Variants in NCBP3 observed in about 807,000 individuals in gnomAD.
The protein encoded by NCBP3 is nuclear cap binding subunit 3.
NCBP3 carries 20 observed loss-of-function variants against 75.7 expected under a neutral mutation model. The observed-to-expected ratio is 0.26, with a 90% CI of 0.19 to 0.38. The LOEUF (loss-of-function observed/expected upper bound fraction) is 0.38. Among genes scored for constraint, NCBP3 ranks in the 10% least tolerant of loss-of-function variants. NCBP3 has a pLI of 1.00. For synonymous variants in NCBP3, 293 were observed against 290.5 expected, an observed-to-expected ratio of 1.01 and a Z score of -0.09; for missense variants, 678 against 796.9, an observed-to-expected ratio of 0.85 and a Z score of 1.80.
Position 3,810,267 on chromosome 17 carries a change from GC to G in NCBP3, c.*2776del, listed in dbSNP as rs1257204614. 2.6e-5 allele frequency: 4 copies of G among 152,408 alleles called. No individual in the cohort carries two copies. Among genetic ancestry groups the G allele is most frequent in the African/African-American group, 9.6e-5 (4 of 41,572 alleles). 9.4% of individuals were successfully genotyped at this position (152,408 alleles called of 1,614,324 possible). On this transcript the variant is annotated 3_prime_UTR_variant, in exon 13 of 13. Coordinates refer to ENST00000389005, the MANE Select transcript of NCBP3 (RefSeq NM_001114118.3). ...TGCTGTACAAATGCAGCTGGAAAGG[GC>G]AGTGGCTGAAGAACGGAGAGGGGTT... is the stretch of plus-strand genomic sequence containing the variant.
rs1406057766 is a variant in NCBP3, at chr17:3,818,701, A to G, written c.1001-129T>C. The G allele has an allele frequency of 2.0e-6, 2 of 989,806 alleles. No individual in the cohort carries two copies. Among genetic ancestry groups the G allele is most frequent in the South Asian group, 1.6e-5 (1 of 61,706 alleles). The allele number at this position is 989,806 out of a possible 1,614,324, so 61.3% of individuals were successfully genotyped here. A position where few individuals can be genotyped will look rare whatever the true frequency, so the allele number is the denominator to read the frequency against. ...CTGACATTTTATTGGAGCACTATCTATAATAGTGCCAAATGGACATTACTC... is the reference window on the plus strand; with the variant it reads ...CTGACATTTTATTGGAGCACTATCTGTAATAGTGCCAAATGGACATTACTC... On this transcript the variant is annotated intron_variant, in intron 9 of 12. Transcript: ENST00000389005. This position sits in a 1 kb window ranked among gnomAD's most constrained non-coding sequence, Gnocchi z 4.7.
chr17:3,830,905 CTTTT>C (rs1274184194), intron 3 of NCBP3, among the ~76,000 whole-genome samples: 1 of 141,816 alleles, frequency 7.1e-6, no homozygotes, highest in Admixed American at 7.1e-5. Context: ...TTTTAACTAC[CTTTT>C]TTTTTTTTTC....
chr17:3,838,078 T>C (rs1380538989), intron 3 of NCBP3, among the ~76,000 whole-genome samples: 3 of 152,192 alleles, frequency 2.0e-5, no homozygotes, highest in African/African-American at 7.2e-5. Flanking sequence ...AGACTGAAAC[T>C]AACAAGGCTC....
At chr17:3,833,772 G>C (rs796934399) in intron 3 of NCBP3, among the ~76,000 whole-genome samples, 1 of 151,992 alleles carries the variant, frequency 6.6e-6, no homozygotes, top group Admixed American at 6.6e-5. Flanking sequence ...ATGTTATGAT[G>C]CTCTTGATAA....
intron 1 of NCBP3, among the ~76,000 whole-genome samples, chr17:3,844,750 T>C (rs1287296309): frequency 6.6e-6 from 1 of 152,176 alleles, no homozygotes; most frequent in Admixed American, 6.5e-5. Context: ...CTTGGGAGGC[T>C]GAGGCAGAAG....
At chr17:3,836,015 G>A (rs1393976015) in intron 3 of NCBP3, among the ~76,000 whole-genome samples, 3 of 152,182 alleles carry the variant, frequency 2.0e-5, no homozygotes, top group African/African-American at 7.2e-5. Context: ...CCAGTGAAAC[G>A]GAAATAATCA....
rs1395384579 is a variant in NCBP3, at chr17:3,808,630, T to C, written c.*4414A>G. On this transcript the variant is annotated 3_prime_UTR_variant, in exon 13 of 13. Coordinates refer to ENST00000389005, the MANE Select transcript of NCBP3 (RefSeq NM_001114118.3). The stretch of plus-strand genomic sequence containing the variant: ...GATCAAGATACATTTAGGGAACTGG[T>C]GAGCAGAGGGCAGGGGAGATGGGGA... 6.6e-6 allele frequency: 1 copy of C among 152,258 alleles called. No homozygotes were observed. The highest frequency in any genetic ancestry group is 1.5e-5 in the Non-Finnish European group (1 of 68,132). The allele number at this position is 152,258 out of a possible 1,614,324, so 9.4% of individuals were successfully genotyped here.
At position 3,829,196 on chromosome 17, in the gene NCBP3, A is replaced by C. The variant is rs903198428; in HGVS notation, c.481+47T>G. The C allele has an allele frequency of 7.1e-6, 11 of 1,546,132 alleles. No homozygotes were observed. In the Admixed American group the frequency reaches 2.2e-4, roughly 31 times the overall value. ...CATCTCTGATGGCAAGAACTCTTGA[A>C]AAATCATCAACAAAAGCATATTCAC... On this transcript the variant is annotated intron_variant, in intron 4 of 12. Transcript: ENST00000389005.
intron 3 of NCBP3, among the ~76,000 whole-genome samples, chr17:3,829,640 A>C (rs1423848185): frequency 1.3e-5 from 2 of 152,232 alleles, no homozygotes; most frequent in Non-Finnish European, 2.9e-5. Flanking sequence ...ACCTCTCCCC[A>C]CATTAATCTG....
chr17:3,822,686 C>G (rs1055600301), intron 7 of NCBP3: 4 of 152,190 alleles, frequency 2.6e-5, no homozygotes, highest in African/African-American at 4.8e-5. Context: ...AAATTTTTGT[C>G]AAAAGTAGTA....
At chr17:3,834,009 G>A (rs1429359052) in intron 3 of NCBP3, among the ~76,000 whole-genome samples, 5 of 152,186 alleles carry the variant, frequency 3.3e-5, no homozygotes, top group East Asian at 1.9e-4. Flanking sequence ...TCCAAGAACC[G>A]AGAAGGCCCT....
chr17:3,840,233 G>A (rs2054040750), intron 2 of NCBP3, 28 bp from the exon 3 acceptor site: 1 of 1,530,984 alleles, frequency 6.5e-7, no homozygotes, highest in Non-Finnish European at 8.9e-7. Context: ...AGTGAAAGTA[G>A]TAAAATATGG....
chr17:3,834,951 TC>T (rs1186712294), intron 3 of NCBP3, among the ~76,000 whole-genome samples: 4 of 152,274 alleles, frequency 2.6e-5, no homozygotes, highest in Admixed American at 2.6e-4. Context: ...AGCCACGTAA[TC>T]CAGTTCCTCA....
At chr17:3,822,926 C>T (rs920781474) in intron 7 of NCBP3, 1 of 152,160 alleles carries the variant, frequency 6.6e-6, no homozygotes, top group African/African-American at 2.4e-5. Flanking sequence ...TTTGTTGTGC[C>T]ATAAAGAAAG....
chr17:3,838,205 C>T (rs1225645002), intron 3 of NCBP3, among the ~76,000 whole-genome samples: 2 of 152,110 alleles, frequency 1.3e-5, no homozygotes, highest in African/African-American at 4.8e-5. Context: ...AGATGCTCCA[C>T]GGGGGAAGTG....
At chr17:3,834,088 T>C (rs1458533387) in intron 3 of NCBP3, among the ~76,000 whole-genome samples, 1 of 152,152 alleles carries the variant, frequency 6.6e-6, no homozygotes, top group African/African-American at 2.4e-5. Flanking sequence ...CTAATAAGGA[T>C]TTCCTGGGGT....
At chr17:3,843,674 G>C (rs1422865044) in intron 1 of NCBP3, among the ~76,000 whole-genome samples, 1 of 152,134 alleles carries the variant, frequency 6.6e-6, no homozygotes, top group Non-Finnish European at 1.5e-5. Context: ...AGCCTCCTGA[G>C]TAGCTGGGAT....
At chr17:3,832,631 A>C (rs1353512766) in intron 3 of NCBP3, among the ~76,000 whole-genome samples, 2 of 139,048 alleles carry the variant, frequency 1.4e-5, no homozygotes, top group African/African-American at 5.0e-5. Flanking sequence ...AGGCCATCTC[A>C]AAAAAAAATA....
chr17:3,813,944 G>T (rs1322099599), intron 12 of NCBP3, among the ~76,000 whole-genome samples: 1 of 152,106 alleles, frequency 6.6e-6, no homozygotes, highest in Non-Finnish European at 1.5e-5. Context: ...GATTACAGGT[G>T]TTGAGCCGCT....
Sources: gnomAD v4.1 joint callset for allele counts (sites outside exome capture counted in the v4.1 genomes callset) on GRCh38, gnomAD v4.1.1 for gene constraint, Gnocchi (gnomAD v3.1) non-coding constraint, MANE v1.5 for transcripts, NCBI Gene and HGNC (gene_info 2026-07-23, HGNC 2026-07-21) for gene names.